RFXAP: variants seen among roughly 807,000 people sequenced by gnomAD.
RFXAP encodes regulatory factor X associated protein, also known as regulatory factor X-associated protein.
RFXAP carries 21 observed loss-of-function variants against 25.7 expected under a neutral mutation model. The ratio of observed to expected loss-of-function variants is 0.82; its 90% CI spans 0.58 to 1.18. The LOEUF (loss-of-function observed/expected upper bound fraction) is 1.18, where lower values mean the gene tolerates loss of function less well. Ranked by LOEUF, RFXAP falls within the 50% of genes most tolerant of loss-of-function variation. The probability of loss-of-function intolerance (pLI) is 0.00; values close to 1 mark genes in which losing one functional copy is unlikely to be tolerated. For synonymous variants in RFXAP, 161 were observed against 152.2 expected (o/e 1.06, Z -0.43); for missense variants, 333 against 363.0 (o/e 0.92, Z 0.67).
chr13:36,827,570 A>T (rs1283664698), intron 2 of RFXAP, 73 bp from the exon 3 acceptor site: 1 of 1,053,132 alleles, frequency 9.5e-7, no homozygotes. Context: ...GGGACACATC[A>T]GAGTAATTAG....
At chr13:36,824,280 TGGG>T (rs1328096239) in intron 1 of RFXAP, among the ~76,000 whole-genome samples, 1 of 152,108 alleles carries the variant, frequency 6.6e-6, no homozygotes, top group Non-Finnish European at 1.5e-5. Flanking sequence ...AAAATCAACT[TGGG>T]GGTTGCTGGA....
chr13:36,819,806 C>G lies in RFXAP; in HGVS notation c.449C>G (p.Thr150Arg). Residue 150 changes from threonine to arginine, a missense_variant, in exon 1 of 3, where the codon ACG (threonine) becomes AGG (arginine). Physicochemically the swap from Thr to Arg is moderately conservative, Grantham distance 71 (BLOSUM62 -1). Coordinates refer to ENST00000255476, the MANE Select transcript of RFXAP (RefSeq NM_000538.4). ...TCTYEGCSET[T>R]SQVAKQRKPW... is the part of the protein sequence containing the mutation. ...ACCTACGAAGGCTGCAGCGAGACCA[C>G]GAGCCAGGTGGCCAAGCAGCGCAAA... The G allele has an allele frequency of 1.3e-6, 2 of 1,593,278 alleles. No homozygotes were observed. Among genetic ancestry groups the G allele is most frequent in the Admixed American group, 1.8e-5 (1 of 57,076 alleles).
At chr13:36,823,177 A>G (rs2057968487) in intron 1 of RFXAP, among the ~76,000 whole-genome samples, 1 of 152,224 alleles carries the variant, frequency 6.6e-6, no homozygotes. Flanking sequence ...TACAGCCAGC[A>G]AGTATTGTAC....
chr13:36,819,929 C>G lies in RFXAP; in HGVS notation c.572C>G (p.Thr191Ser). The G allele has an allele frequency of 6.2e-7, 1 of 1,613,902 alleles. No individual in the cohort carries two copies. The highest frequency in any genetic ancestry group is 1.6e-4 in the Middle Eastern group (1 of 6,062). Residue 191 changes from threonine (T) to serine (S), a missense_variant, in exon 1 of 3, where the codon ACT (threonine) becomes AGT (serine). Physicochemically the swap from Thr to Ser is moderately conservative, Grantham distance 58 (BLOSUM62 1). Transcript: ENST00000255476. The stretch of plus-strand genomic sequence containing the variant: ...CTGAACTGCGGTGGGACTGCCTCGA[C>G]TGGCAGCGCGGGAAACGTCAAACTC... Reference protein sequence around the residue: ...QALNCGGTASTGSAGNVKLEE... With the variant: ...QALNCGGTASSGSAGNVKLEE...
chr13:36,820,046 A>G, intron 1 of RFXAP, 89 bp downstream of exon 1: 1 of 1,551,710 alleles, frequency 6.4e-7, no homozygotes, highest in Non-Finnish European at 8.7e-7. Flanking sequence ...CTGCCTCCCC[A>G]CTTCCAAATG....
chr13:36,819,373 G>A lies in RFXAP; in HGVS notation c.16G>A (p.Val6Ile). The A allele has an allele frequency of 1.5e-6, 2 of 1,294,314 alleles. No individual in the cohort carries two copies. The highest frequency in any genetic ancestry group is 9.8e-7 in the Non-Finnish European group (1 of 1,025,510). The allele number at this position is 1,294,314 out of a possible 1,614,324, so 80.2% of individuals were successfully genotyped here. MEAQGVAEGAGPGAAS... is the reference protein window; with the variant it reads MEAQGIAEGAGPGAAS... The stretch of plus-strand genomic sequence containing the variant: ...TCTTAGCAGCATGGAGGCGCAGGGT[G>A]TAGCGGAGGGCGCGGGGCCGGGCGC... The change falls in exon 1 of 3, where the codon GTA becomes ATA. Residue 6 changes from valine to isoleucine, a missense_variant. By Grantham distance (29) the Val-to-Ile change is conservative. Coordinates refer to ENST00000255476, the MANE Select transcript of RFXAP (RefSeq NM_000538.4).
chr13:36,823,826 G>T (rs2057970201), intron 1 of RFXAP, among the ~76,000 whole-genome samples: 1 of 152,106 alleles, frequency 6.6e-6, no homozygotes, highest in Admixed American at 6.6e-5. Flanking sequence ...CTGCTGGTGG[G>T]ATTGTTCTTA....
Position 36,819,809 on chromosome 13 carries a change from G to A in RFXAP, c.452G>A (p.Ser151Asn). ...CTYEGCSETT[S>N]QVAKQRKPWM... is the part of the protein sequence containing the mutation. The stretch of plus-strand genomic sequence containing the variant: ...TACGAAGGCTGCAGCGAGACCACGA[G>A]CCAGGTGGCCAAGCAGCGCAAACCG... Residue 151 changes from serine to asparagine, a missense_variant, in exon 1 of 3, where the codon AGC becomes AAC. Ser to Asn is a conservative substitution (Grantham distance 46). Transcript: ENST00000255476. 1 of 1,595,436 alleles carries A rather than the reference G, an allele frequency of 6.3e-7. No homozygotes were observed. Among genetic ancestry groups the A allele is most frequent in the Non-Finnish European group, 8.5e-7 (1 of 1,170,272 alleles).
chr13:36,825,295 C>G (rs1593532080), intron 1 of RFXAP, 133 bp from the exon 2 acceptor site: 2 of 667,086 alleles, frequency 3.0e-6, no homozygotes, highest in Non-Finnish European at 5.3e-6. Flanking sequence ...AAGAACTTTC[C>G]CAGAGTTGCC....
chr13:36,828,494 A>G lies in RFXAP; in HGVS notation c.*741A>G, dbSNP rs1486488775. ...AAGCACACTGGGATGTGTCTCCTAC[A>G]GTTGGCTTCTCTCTTTGATGTTACC... On this transcript the variant is annotated 3_prime_UTR_variant, in exon 3 of 3. Transcript: ENST00000255476. 6.6e-6 allele frequency: 1 copy of G among 152,330 alleles called. No homozygotes were observed. Among genetic ancestry groups the G allele is most frequent in the Non-Finnish European group, 1.5e-5 (1 of 68,110 alleles). 9.4% of individuals were successfully genotyped at this position (152,330 alleles called of 1,614,324 possible). A position where few individuals can be genotyped will look rare whatever the true frequency, so the allele number is the denominator to read the frequency against.
At chr13:36,824,899 T>C (rs756252564) in intron 1 of RFXAP, among the ~76,000 whole-genome samples, 7 of 152,180 alleles carry the variant, frequency 4.6e-5, no homozygotes, top group Non-Finnish European at 8.8e-5. Context: ...CTTTAAACAA[T>C]ATTTTACTAC....
At chr13:36,821,839 C>T (rs1593530856) in intron 1 of RFXAP, among the ~76,000 whole-genome samples, 1 of 152,044 alleles carries the variant, frequency 6.6e-6, no homozygotes, top group African/African-American at 2.4e-5. Context: ...CTAGAAAAAT[C>T]CACTATGTAA....
Position 36,819,818 on chromosome 13 carries a change from C to T in RFXAP, c.461C>T (p.Ala154Val). 3 of 1,599,454 alleles carry T rather than the reference C, an allele frequency of 1.9e-6. No homozygotes were observed. The highest frequency in any genetic ancestry group is 2.3e-5 in the East Asian group (1 of 44,328). ...EGCSETTSQV[A>V]KQRKPWMCKK... ...TGCAGCGAGACCACGAGCCAGGTGG[C>T]CAAGCAGCGCAAACCGTGGATGTGC... Residue 154 changes from alanine (A) to valine (V), a missense_variant, in exon 1 of 3, where the codon GCC (alanine) becomes GTC (valine). By Grantham distance (64) the Ala-to-Val change is moderately conservative. Coordinates refer to ENST00000255476, the MANE Select transcript of RFXAP (RefSeq NM_000538.4).
rs1593532218 is a variant in RFXAP at position 36,825,641 on chromosome 13, A to G, written c.708+106A>G. The G allele has an allele frequency of 4.5e-6, 3 of 672,106 alleles. No individual in the cohort carries two copies. The Admixed American group carries it at 8.8e-5, about 20-fold the overall frequency. The allele number at this position is 672,106 out of a possible 1,614,324, so 41.6% of individuals were successfully genotyped here. On this transcript the variant is annotated intron_variant, in intron 2 of 2. Transcript: ENST00000255476. ...TTTAGCTCATGACATCACACTATAC[A>G]TCAAAATAAATTCCTAATAAGTCAA... is the stretch of plus-strand genomic sequence containing the variant.
intron 1 of RFXAP, among the ~76,000 whole-genome samples, chr13:36,820,636 CCTTTT>C (rs2057958895): frequency 6.6e-6 from 1 of 152,116 alleles, no homozygotes; most frequent in African/African-American, 2.4e-5. Flanking sequence ...TCTCACTACC[CCTTTT>C]CTTAGTACCC....
intron 1 of RFXAP, 112 bp downstream of exon 1, chr13:36,820,069 G>T: frequency 6.8e-7 from 1 of 1,468,102 alleles, no homozygotes; most frequent in Non-Finnish European, 9.3e-7. Flanking sequence ...CCGGTTTGCA[G>T]TGACTGGGTT....
chr13:36,822,815 A>C (rs1236910610), intron 1 of RFXAP, among the ~76,000 whole-genome samples: 1 of 152,220 alleles, frequency 6.6e-6, no homozygotes, highest in East Asian at 1.9e-4. Flanking sequence ...AGTTCTGAGG[A>C]GGTAACAAGA....
chr13:36,819,377 C>G lies in RFXAP; in HGVS notation c.20C>G (p.Ala7Gly). 3 of 1,293,754 alleles carry G rather than the reference C, an allele frequency of 2.3e-6. No individual in the cohort carries two copies. Among genetic ancestry groups the G allele is most frequent in the Non-Finnish European group, 2.0e-6 (2 of 1,025,214 alleles). The allele number at this position is 1,293,754 out of a possible 1,614,324, so 80.1% of individuals were successfully genotyped here. A position where few individuals can be genotyped will look rare whatever the true frequency, so the allele number is the denominator to read the frequency against. The change falls in exon 1 of 3, where the codon GCG becomes GGG. Residue 7 changes from alanine (A) to glycine (G), a missense_variant. By Grantham distance (60) the Ala-to-Gly change is moderately conservative. Transcript: ENST00000255476. ...AGCAGCATGGAGGCGCAGGGTGTAG[C>G]GGAGGGCGCGGGGCCGGGCGCCGCC... MEAQGVAEGAGPGAASG... is the reference protein window; with the variant it reads MEAQGVGEGAGPGAASG...
At position 36,828,587 on chromosome 13, in the gene RFXAP, C is replaced by G. The variant is rs1428495326; in HGVS notation, c.*834C>G. Reference sequence around the variant, plus strand: ...AATTTGTGAACAGTATAGATCTCAGCCCACCAATGCCAAGACAAAATTATT... The same window carrying G: ...AATTTGTGAACAGTATAGATCTCAGGCCACCAATGCCAAGACAAAATTATT... On this transcript the variant is annotated 3_prime_UTR_variant, in exon 3 of 3. Coordinates refer to ENST00000255476, the MANE Select transcript of RFXAP (RefSeq NM_000538.4). 1.3e-5 allele frequency: 2 copies of G among 151,986 alleles called. No homozygotes were observed. Among genetic ancestry groups the G allele is most frequent in the Non-Finnish European group, 2.9e-5 (2 of 67,994 alleles). 9.4% of individuals were successfully genotyped at this position (151,986 alleles called of 1,614,324 possible).
Sources: allele counts gnomAD v4.1 joint callset (sites outside exome capture counted in the v4.1 genomes callset), GRCh38; gene constraint gnomAD v4.1.1; transcripts MANE v1.5; gene names NCBI Gene and HGNC (gene_info 2026-07-23, HGNC 2026-07-21).